ADAM29: variants seen among roughly 807,000 people sequenced by gnomAD.
ADAM29 encodes the protein ADAM metallopeptidase domain 29, also known as disintegrin and metalloproteinase domain-containing protein 29.
For synonymous variants in ADAM29, 367 were observed against 342.3 expected, an observed-to-expected ratio of 1.07 and a Z score of -0.80; for missense variants, 969 against 1,001.8, an observed-to-expected ratio of 0.97 and a Z score of 0.44.
chr4:174,922,226 C>A (rs558957807), intron 2 of ADAM29, among the ~76,000 whole-genome samples: 1,792 of 152,172 alleles, frequency 0.012, 31 homozygotes, highest in African/African-American at 0.041. Context: ...AAACAAAATA[C>A]AATTTTTAAA....
At chr4:174,971,581 G>T (rs10014801) in intron 4 of ADAM29, among the ~76,000 whole-genome samples, 42,570 of 151,992 alleles carry the variant, frequency 0.28, 6,258 homozygotes, top group African/African-American at 0.37. Flanking sequence ...ATAGTTTCAT[G>T]GACATTTTCT....
In ADAM29 at chr4:174,975,937, C is replaced by A. The variant is rs774823847; in HGVS notation, c.412C>A (p.Pro138Thr). The change falls in exon 5 of 5, where the codon CCC becomes ACC. Residue 138 changes from proline (P) to threonine (T), a missense_variant. Physicochemically the swap from Pro to Thr is conservative, Grantham distance 38. Coordinates refer to ENST00000359240, the MANE Select transcript of ADAM29 (RefSeq NM_014269.4). ...AAATGACTTTGCTTATGAAATCAAGCCCCTAGCATTTTCTACCACGTTTGA... is the reference window on the plus strand; with the variant it reads ...AAATGACTTTGCTTATGAAATCAAGACCCTAGCATTTTCTACCACGTTTGA... ...QINDFAYEIKPLAFSTTFEHL... is the reference protein window; with the variant it reads ...QINDFAYEIKTLAFSTTFEHL... 6.2e-7 allele frequency: 1 copy of A among 1,613,920 alleles called. No homozygotes were observed. Among genetic ancestry groups the A allele is most frequent in the Non-Finnish European group, 8.5e-7 (1 of 1,179,964 alleles).
intron 2 of ADAM29, among the ~76,000 whole-genome samples, chr4:174,929,648 T>A (rs896271728): frequency 4.5e-4 from 45 of 99,726 alleles, no homozygotes; most frequent in Non-Finnish European, 9.4e-4. Context: ...CCAGCTGGAG[T>A]TTTTATGGGG....
intron 3 of ADAM29, among the ~76,000 whole-genome samples, chr4:174,934,384 C>T (rs1000839407): frequency 6.6e-6 from 1 of 152,040 alleles, no homozygotes; most frequent in Admixed American, 6.6e-5. Flanking sequence ...ATTTCAGTAT[C>T]AGAAATCTCA....
intron 2 of ADAM29, among the ~76,000 whole-genome samples, chr4:174,929,992 G>C (rs1207536217): frequency 6.6e-6 from 1 of 152,108 alleles, no homozygotes; most frequent in Non-Finnish European, 1.5e-5. Flanking sequence ...GCAGTGGCCT[G>C]ATCTCTGCTC....
At chr4:174,961,086 T>C (rs1745791978) in intron 4 of ADAM29, among the ~76,000 whole-genome samples, 1 of 152,176 alleles carries the variant, frequency 6.6e-6, no homozygotes, top group Admixed American at 6.5e-5. Flanking sequence ...TTCATTCTAT[T>C]TTATAAAATG....
At chr4:174,945,282 A>C (rs1744775975) in intron 4 of ADAM29, among the ~76,000 whole-genome samples, 1 of 104,756 alleles carries the variant, frequency 9.5e-6, no homozygotes, top group Non-Finnish European at 2.2e-5. Context: ...GTTTATCCAC[A>C]TGTATGTTTT....
chr4:174,968,368 C>A (rs1746269916), intron 4 of ADAM29, among the ~76,000 whole-genome samples: 2 of 152,154 alleles, frequency 1.3e-5, no homozygotes, highest in South Asian at 2.1e-4. Flanking sequence ...TCTAGCACTG[C>A]AGCAGGAAGT....
intron 4 of ADAM29, among the ~76,000 whole-genome samples, chr4:174,943,742 C>G (rs1744681783): frequency 1.3e-5 from 2 of 151,514 alleles, no homozygotes; most frequent in Non-Finnish European, 2.9e-5. Flanking sequence ...GTTTGTTATT[C>G]TTTTGATATT....
At chr4:174,965,847 C>G (rs1746129007) in intron 4 of ADAM29, among the ~76,000 whole-genome samples, 1 of 152,128 alleles carries the variant, frequency 6.6e-6, no homozygotes, top group Non-Finnish European at 1.5e-5. Flanking sequence ...TTCCAAATAA[C>G]ATTATGCTGA....
intron 4 of ADAM29, among the ~76,000 whole-genome samples, chr4:174,966,871 A>T (rs1342700639): frequency 6.6e-6 from 1 of 152,224 alleles, no homozygotes; most frequent in Admixed American, 6.5e-5. Flanking sequence ...TTCAGTCCTA[A>T]AAATAGAAAT....
intron 2 of ADAM29, among the ~76,000 whole-genome samples, chr4:174,928,313 C>G (rs1256607715): frequency 1.3e-5 from 2 of 151,928 alleles, no homozygotes; most frequent in Non-Finnish European, 2.9e-5. Flanking sequence ...GATGGGTGTG[C>G]AGGTGTCTTG....
intron 4 of ADAM29, among the ~76,000 whole-genome samples, chr4:174,939,614 T>A (rs556427595): frequency 7.0e-4 from 106 of 152,298 alleles, no homozygotes; most frequent in Non-Finnish European, 1.3e-3. Context: ...TTGAGAGATG[T>A]AAAATAATTT....
At chr4:174,972,124 T>C (rs1328174405) in intron 4 of ADAM29, among the ~76,000 whole-genome samples, 4 of 152,214 alleles carry the variant, frequency 2.6e-5, no homozygotes, top group African/African-American at 7.2e-5. Flanking sequence ...TAAACATCTT[T>C]ATATCATATT....
At chr4:174,941,581 T>A (rs1381947251) in intron 4 of ADAM29, among the ~76,000 whole-genome samples, 1 of 152,080 alleles carries the variant, frequency 6.6e-6, no homozygotes, top group Non-Finnish European at 1.5e-5. Context: ...TCAGATCTCC[T>A]GAGAACTCAC....
intron 4 of ADAM29, among the ~76,000 whole-genome samples, chr4:174,962,451 G>A (rs557806000): frequency 6.6e-6 from 1 of 150,968 alleles, no homozygotes; most frequent in African/African-American, 2.4e-5. Flanking sequence ...AGCAGAGCTT[G>A]CAGTGAGCCG....
At chr4:174,926,128 T>C (rs971055272) in intron 2 of ADAM29, among the ~76,000 whole-genome samples, 1 of 152,226 alleles carries the variant, frequency 6.6e-6, no homozygotes, top group Non-Finnish European at 1.5e-5. Flanking sequence ...ATAACAATTA[T>C]GTATTGAATA....
intron 4 of ADAM29, among the ~76,000 whole-genome samples, chr4:174,939,514 C>T (rs1001740617): frequency 6.6e-6 from 1 of 152,078 alleles, no homozygotes; most frequent in Admixed American, 6.6e-5. Flanking sequence ...CAAATAAATG[C>T]CATTTTTATT....
At chr4:174,923,558 T>C (rs1743305063) in intron 2 of ADAM29, among the ~76,000 whole-genome samples, 1 of 131,268 alleles carries the variant, frequency 7.6e-6, no homozygotes, top group African/African-American at 2.7e-5. Context: ...TATATATATA[T>C]ATACACACAC....
Sources: allele counts gnomAD v4.1 joint callset (sites outside exome capture counted in the v4.1 genomes callset), GRCh38; gene constraint gnomAD v4.1.1; transcripts MANE v1.5; gene names NCBI Gene and HGNC (gene_info 2026-07-23, HGNC 2026-07-21).